Variants in MYO9B observed in about 807,000 individuals in gnomAD.
The protein encoded by MYO9B is unconventional myosin-IXb.
In MYO9B, 71 loss-of-function variants were observed where a neutral mutation model predicts 229.5. The ratio of observed to expected loss-of-function variants is 0.31; its 90% CI spans 0.26 to 0.38. MYO9B has a LOEUF of 0.38. Ranked by LOEUF, MYO9B falls within the 10% of genes least tolerant of loss-of-function variation. The probability of loss-of-function intolerance (pLI) is 1.00; values close to 1 mark genes in which losing one functional copy is unlikely to be tolerated. For missense variants in MYO9B, 2,255 were observed against 2,920.5 expected (o/e 0.77, Z 5.25); for synonymous variants, 1,185 against 1,235.8 (o/e 0.96, Z 0.86).
chr19:17,145,492 G>C lies in MYO9B; in HGVS notation c.935+1G>C. The C allele has an allele frequency of 6.2e-7, 1 of 1,613,652 alleles. No individual in the cohort carries two copies. Among genetic ancestry groups the C allele is most frequent in the Non-Finnish European group, 8.5e-7 (1 of 1,179,588 alleles). Reference sequence around the variant, plus strand: ...ACCTAGAGAGTGGCATCGTGAGAGGGTGAGGTGTCCCTGGGGTCCCCACTG... The same window carrying C: ...ACCTAGAGAGTGGCATCGTGAGAGGCTGAGGTGTCCCTGGGGTCCCCACTG... On this transcript the variant is annotated splice_donor_variant, in intron 3 of 39. Transcript: ENST00000682292. LOFTEE classifies it high-confidence loss of function.
At chr19:17,110,194 A>G (rs538788919) in intron 2 of MYO9B, among the ~76,000 whole-genome samples, 1 of 152,240 alleles carries the variant, frequency 6.6e-6, no homozygotes, top group East Asian at 1.9e-4. Context: ...GCCCCCCGCG[A>G]GGGTTGCAGC....
Position 17,181,030 on chromosome 19 carries a change from G to A in MYO9B, c.2323G>A (p.Ala775Thr), listed in dbSNP as rs1192927828. ...CCTCAGTCGGCTCCAGAAACCCCGC[G>A]CCTTCATCCTGTGAGTCCCCCACCA... ...QSLSRLQKPRAFILKSKGIKQ... is the reference protein window; with the variant it reads ...QSLSRLQKPRTFILKSKGIKQ... Residue 775 changes from alanine (A) to threonine (T), a missense_variant, in exon 15 of 40, where the codon GCC (alanine) becomes ACC (threonine). Coordinates refer to ENST00000682292, the MANE Select transcript of MYO9B (RefSeq NM_004145.4). 16 of 1,608,124 alleles carry A rather than the reference G, an allele frequency of 9.9e-6. No individual in the cohort carries two copies. The highest frequency in any genetic ancestry group is 5.6e-5 in the South Asian group (5 of 90,018).
Position 17,098,838 on chromosome 19 carries a change from G to T in MYO9B, c.-58-2822G>T, listed in dbSNP as rs369169690. ...TAGTCCCAGCTACTTGTGAGGCAGA[G>T]GTGAGAGGATCACATGAGCCCAGGG... is the stretch of plus-strand genomic sequence containing the variant. On this transcript the variant is annotated intron_variant, in intron 1 of 39. Transcript: ENST00000682292. 3.2e-4 allele frequency among the ~76,000 whole-genome samples: 48 copies of T among 151,980 alleles called. No individual in the cohort carries two copies. In the East Asian group the frequency reaches 5.0e-3, roughly 16 times the overall value.
chr19:17,193,450 G>A lies in MYO9B; in HGVS notation c.3128+388G>A, dbSNP rs921162053. ...CCCCAGGAGGATATCAGCAGCTCCC[G>A]TCCCAGCACCCACAGCTCCGAGCCC... is the stretch of plus-strand genomic sequence containing the variant. On this transcript the variant is annotated intron_variant, in intron 21 of 39. Coordinates refer to ENST00000682292, the MANE Select transcript of MYO9B (RefSeq NM_004145.4). This position sits in a 1 kb window ranked among gnomAD's most constrained non-coding sequence, Gnocchi z 4.3. 6.6e-6 allele frequency among the ~76,000 whole-genome samples: 1 copy of A among 152,044 alleles called. No individual in the cohort carries two copies. The highest frequency in any genetic ancestry group is 1.5e-5 in the Non-Finnish European group (1 of 68,004).
At chr19:17,210,914 C>T (rs1369439647) in intron 38 of MYO9B, 66 bp downstream of exon 38, 1 of 1,552,106 alleles carries the variant, frequency 6.4e-7, no homozygotes, top group African/African-American at 1.4e-5. Context: ...AGGTTCCATC[C>T]CTGGTGGTCC....
chr19:17,172,416 C>T lies in MYO9B; in HGVS notation c.1874C>T (p.Pro625Leu), dbSNP rs763198173. 1.2e-6 allele frequency: 2 copies of T among 1,613,944 alleles called. No homozygotes were observed. The highest frequency in any genetic ancestry group is 1.7e-6 in the Non-Finnish European group (2 of 1,179,876). ...GACAATAAGTACTTCCTGGGCACCC[C>T]GGTCATGGAGCCAGCTTTCATCATC... ...HEDNKYFLGT[P>L]VMEPAFIIQH... The change falls in exon 12 of 40, where the codon CCG becomes CTG. Residue 625 changes from proline (P) to leucine (L), a missense_variant. By Grantham distance (98) the Pro-to-Leu change is moderately conservative (BLOSUM62 -3). This residue lies in a region of MYO9B where 220 missense variants were observed against 404.5 expected (regional missense o/e 0.54). Coordinates refer to ENST00000682292, the MANE Select transcript of MYO9B (RefSeq NM_004145.4). This position sits in a 1 kb window ranked among gnomAD's most constrained non-coding sequence, Gnocchi z 8.2.
At chr19:17,137,959 C>T (rs899524958) in intron 2 of MYO9B, among the ~76,000 whole-genome samples, 5 of 150,778 alleles carry the variant, frequency 3.3e-5, no homozygotes, top group African/African-American at 4.9e-5. Context: ...CGTGCAGTTT[C>T]GTTACATAGG....
chr19:17,169,807 T>TCC lies in MYO9B; in HGVS notation c.1793+1743_1793+1744insCC, dbSNP rs1307214610. Among the ~76,000 whole-genome samples the TCC allele has an allele frequency of 5.6e-4, 69 of 122,150 alleles. 2 individuals carry two copies. The highest frequency in any genetic ancestry group is 2.4e-3 in the African/African-American group (66 of 27,784). The allele number at this position is 122,150 out of a possible 152,430, so 80.1% of individuals were successfully genotyped here. ...CATCTCAATCCTGTCTCCTCCTTTT[T>TCC]TTTTTTTTTTTTTTTTTTTTTTTTG... On this transcript the variant is annotated intron_variant, in intron 11 of 39. Coordinates refer to ENST00000682292, the MANE Select transcript of MYO9B (RefSeq NM_004145.4).
intron 4 of MYO9B, 103 bp from the exon 5 acceptor site, chr19:17,153,864 A>G: frequency 1.2e-6 from 1 of 806,342 alleles, no homozygotes. Flanking sequence ...AAATTTGTAC[A>G]TATTTGAGGT....
chr19:17,124,831 G>A (rs549157161), intron 2 of MYO9B, among the ~76,000 whole-genome samples: 7 of 151,276 alleles, frequency 4.6e-5, no homozygotes, highest in South Asian at 2.1e-4. Context: ...ACAAACACCC[G>A]TATGTTATCA....
intron 2 of MYO9B, among the ~76,000 whole-genome samples, chr19:17,141,644 C>A (rs563138074): frequency 2.2e-5 from 2 of 90,066 alleles, no homozygotes; most frequent in Non-Finnish European, 4.3e-5. Flanking sequence ...GCCCCAGGCA[C>A]CTTCCCTGCC....
At chr19:17,206,513 C>A in intron 33 of MYO9B, 137 bp downstream of exon 33, 2 of 1,403,996 alleles carry the variant, frequency 1.4e-6, no homozygotes, top group Non-Finnish European at 1.9e-6. Flanking sequence ...CCCAGCCAAA[C>A]CGGGTCCCCA....
intron 2 of MYO9B, among the ~76,000 whole-genome samples, chr19:17,132,981 G>A (rs2072221003): frequency 6.6e-6 from 1 of 151,994 alleles, no homozygotes; most frequent in African/African-American, 2.4e-5. Flanking sequence ...CCGAGTAGCT[G>A]GAACTACAGG....
intron 8 of MYO9B, among the ~76,000 whole-genome samples, chr19:17,160,386 C>T (rs1264415971): frequency 6.6e-6 from 1 of 151,934 alleles, no homozygotes; most frequent in Non-Finnish European, 1.5e-5. Flanking sequence ...AAATGCAAAA[C>T]GAGGGGGACA....
chr19:17,177,135 A>G (rs1057362974), intron 14 of MYO9B, among the ~76,000 whole-genome samples: 2 of 152,024 alleles, frequency 1.3e-5, no homozygotes, highest in African/African-American at 4.8e-5. Context: ...TGGGAGATGG[A>G]AGTTGCGGTG....
At chr19:17,164,385 C>CT (rs11387142) in intron 10 of MYO9B, among the ~76,000 whole-genome samples, 41,906 of 145,668 alleles carry the variant, frequency 0.29, 6,620 homozygotes, top group African/African-American at 0.42. Flanking sequence ...TCTGACGTGT[C>CT]TTTTTTTTTT....
chr19:17,172,576 G>A lies in MYO9B; in HGVS notation c.1935+99G>A. The A allele has an allele frequency of 6.5e-7, 1 of 1,535,354 alleles. No homozygotes were observed. Among genetic ancestry groups the A allele is most frequent in the Non-Finnish European group, 8.8e-7 (1 of 1,135,862 alleles). ...ATCCTCCTGTGGGCGAGGTTCCAGG[G>A]TGCTCAGAACCCACCGCGAATCCCC... On this transcript the variant is annotated intron_variant, in intron 12 of 39. Transcript: ENST00000682292. The surrounding 1 kb of genome is among the most constrained non-coding windows in gnomAD (Gnocchi z 8.2).
At chr19:17,126,288 G>A (rs907956598) in intron 2 of MYO9B, among the ~76,000 whole-genome samples, 1 of 152,172 alleles carries the variant, frequency 6.6e-6, no homozygotes, top group African/African-American at 2.4e-5. Flanking sequence ...TGTCCTGGGT[G>A]CTTCCCAGGC....
chr19:17,190,329 G>A (rs1034377671), intron 19 of MYO9B, among the ~76,000 whole-genome samples: 10 of 151,738 alleles, frequency 6.6e-5, no homozygotes, highest in Admixed American at 1.3e-4. Context: ...CAGTACATGG[G>A]GTTACAGGCG....
Sources: gnomAD v4.1 joint callset for allele counts (sites outside exome capture counted in the v4.1 genomes callset) on GRCh38, gnomAD v4.1.1 for gene constraint, gnomAD v4.1.1 regional missense constraint, Gnocchi (gnomAD v3.1) non-coding constraint, MANE v1.5 for transcripts, NCBI Gene and HGNC (gene_info 2026-07-23, HGNC 2026-07-21) for gene names.